Variants in SEMA5A observed in about 807,000 individuals in gnomAD.
The protein encoded by SEMA5A is semaphorin-5A.
A neutral mutation model predicts 135.5 loss-of-function variants in SEMA5A; 55 were observed. The ratio of observed to expected loss-of-function variants is 0.41; its 90% CI spans 0.33 to 0.51. The LOEUF (loss-of-function observed/expected upper bound fraction) is 0.51. SEMA5A is among the 20% of genes least tolerant of loss of function. The pLI is 0.37. For missense variants in SEMA5A, 1,290 were observed against 1,419.9 expected, an observed-to-expected ratio of 0.91 and a Z score of 1.47; for synonymous variants, 580 against 546.5, an observed-to-expected ratio of 1.06 and a Z score of -0.85.
chr5:9,507,927 C>G lies in SEMA5A; in HGVS notation c.-175+37657G>C, dbSNP rs1452338478. ...GCTGAGGCAGGAGAATGACATGAAC[C>G]CAGGAGGCATAGCTTGCAGTAAGCC... is the stretch of plus-strand genomic sequence containing the variant. On this transcript the variant is annotated intron_variant, in intron 1 of 22. Transcript: ENST00000382496. 9.2e-5 allele frequency among the ~76,000 whole-genome samples: 14 copies of G among 151,462 alleles called. 1 individual carries two copies. Among genetic ancestry groups the G allele is most frequent in the Non-Finnish European group, 1.8e-4 (12 of 67,930 alleles).
chr5:9,197,440 G>T, intron 9 of SEMA5A, 137 bp from the exon 10 acceptor site: 1 of 1,050,500 alleles, frequency 9.5e-7, no homozygotes, highest in Non-Finnish European at 1.4e-6. Context: ...GATCCCAAAA[G>T]GATGAAGTCA....
intron 13 of SEMA5A, among the ~76,000 whole-genome samples, chr5:9,131,033 C>A (rs1741381777): frequency 6.6e-6 from 1 of 152,104 alleles, no homozygotes; most frequent in South Asian, 2.1e-4. Context: ...GAGGAGAATC[C>A]TGTTATTAGG....
chr5:9,233,231 A>C (rs1747727723), intron 6 of SEMA5A, among the ~76,000 whole-genome samples: 1 of 152,236 alleles, frequency 6.6e-6, no homozygotes, highest in Non-Finnish European at 1.5e-5. Flanking sequence ...TCCTTTGTAA[A>C]GTTCCTAAAT....
intron 1 of SEMA5A, among the ~76,000 whole-genome samples, chr5:9,518,828 T>A (rs985264121): frequency 6.6e-6 from 1 of 152,044 alleles, no homozygotes; most frequent in African/African-American, 2.4e-5. Flanking sequence ...GTAAAGAACT[T>A]CCTTAAAAAT....
chr5:9,274,369 A>G (rs1378242565), intron 5 of SEMA5A, among the ~76,000 whole-genome samples: 1 of 152,064 alleles, frequency 6.6e-6, no homozygotes, highest in Non-Finnish European at 1.5e-5. Flanking sequence ...AGAGACTTAG[A>G]CTCCTACACG....
intron 2 of SEMA5A, among the ~76,000 whole-genome samples, chr5:9,387,588 G>A (rs1755953010): frequency 1.3e-5 from 2 of 152,156 alleles, no homozygotes; most frequent in South Asian, 4.1e-4. Context: ...AACAATCCAG[G>A]AGAATCAAAG....
intron 21 of SEMA5A, among the ~76,000 whole-genome samples, chr5:9,047,608 G>T (rs570916063): frequency 2.6e-5 from 4 of 152,194 alleles, no homozygotes; most frequent in East Asian, 3.9e-4. Flanking sequence ...GGTTCAATTG[G>T]CTAATAATTT....
chr5:9,377,504 C>T (rs2126467829), intron 3 of SEMA5A, among the ~76,000 whole-genome samples: 1 of 151,156 alleles, frequency 6.6e-6, no homozygotes, highest in African/African-American at 2.4e-5. Context: ...TTGCTAATTT[C>T]ACTAAAATTT....
At chr5:9,119,846 T>C (rs1296128550) in intron 14 of SEMA5A, among the ~76,000 whole-genome samples, 1 of 152,108 alleles carries the variant, frequency 6.6e-6, no homozygotes, top group Non-Finnish European at 1.5e-5. Flanking sequence ...GAAGTGCAAA[T>C]TGCATATAAC....
At chr5:9,432,243 A>T (rs894796136) in intron 2 of SEMA5A, among the ~76,000 whole-genome samples, 4 of 152,198 alleles carry the variant, frequency 2.6e-5, no homozygotes, top group African/African-American at 7.2e-5. Context: ...GATGGGACTC[A>T]GGAGTGGTGT....
chr5:9,035,059 A>G lies in SEMA5A; in HGVS notation c.*7838T>C, dbSNP rs1367298713. 6.6e-6 allele frequency: 1 copy of G among 152,664 alleles called. No individual in the cohort carries two copies. The highest frequency in any genetic ancestry group is 6.5e-5 in the Admixed American group (1 of 15,268). The allele number at this position is 152,664 out of a possible 1,614,324, so 9.5% of individuals were successfully genotyped here. A position where few individuals can be genotyped will look rare whatever the true frequency, so the allele number is the denominator to read the frequency against. On this transcript the variant is annotated 3_prime_UTR_variant, in exon 23 of 23. Transcript: ENST00000382496. The stretch of plus-strand genomic sequence containing the variant: ...CCCCTAAATGGTAGGATTTATTTCA[A>G]TGCTCACATACAATTGAATGAGACA...
chr5:9,416,264 G>T (rs1446014302), intron 2 of SEMA5A, among the ~76,000 whole-genome samples: 3 of 152,158 alleles, frequency 2.0e-5, no homozygotes, highest in East Asian at 1.9e-4. Context: ...TAAATGAGGA[G>T]AAAAAGTTGA....
intron 11 of SEMA5A, among the ~76,000 whole-genome samples, chr5:9,160,052 G>C (rs1171033361): frequency 6.6e-6 from 1 of 152,062 alleles, no homozygotes; most frequent in Non-Finnish European, 1.5e-5. Flanking sequence ...GGGCCTGTTG[G>C]GGGAAGGGGA....
At chr5:9,292,422 C>T (rs2150587558) in intron 5 of SEMA5A, among the ~76,000 whole-genome samples, 1 of 152,168 alleles carries the variant, frequency 6.6e-6, no homozygotes, top group Non-Finnish European at 1.5e-5. Flanking sequence ...GTAACTTGCC[C>T]GAGGACACAC....
intron 2 of SEMA5A, among the ~76,000 whole-genome samples, chr5:9,404,819 C>T (rs909644296): frequency 1.3e-5 from 2 of 152,188 alleles, no homozygotes; most frequent in Non-Finnish European, 1.5e-5. Flanking sequence ...GGTGGACTGT[C>T]TCAGGTGACC....
intron 12 of SEMA5A, among the ~76,000 whole-genome samples, chr5:9,143,011 G>T (rs1167841810): frequency 1.3e-5 from 2 of 152,098 alleles, no homozygotes; most frequent in East Asian, 3.9e-4. Context: ...AAAATTCCAA[G>T]TAGACAATAG....
intron 2 of SEMA5A, among the ~76,000 whole-genome samples, chr5:9,384,667 TAG>T: frequency 8.8e-6 from 1 of 113,390 alleles, no homozygotes; most frequent in Non-Finnish European, 1.8e-5. Flanking sequence ...TAGATATAGA[TAG>T]ATAGATATAG....
At chr5:9,457,818 G>C (rs1758897535) in intron 1 of SEMA5A, among the ~76,000 whole-genome samples, 1 of 148,318 alleles carries the variant, frequency 6.7e-6, no homozygotes, top group Non-Finnish European at 1.5e-5. Context: ...GGGGCTACAT[G>C]TTTTGAAAGG....
chr5:9,365,807 C>A (rs71597581), intron 3 of SEMA5A, among the ~76,000 whole-genome samples: 8,982 of 152,220 alleles, frequency 0.059, 357 homozygotes, highest in Middle Eastern at 0.11. Flanking sequence ...AAGCTGGTTG[C>A]CCCCACCCTC....
Sources: allele counts gnomAD v4.1 joint callset (sites outside exome capture counted in the v4.1 genomes callset), GRCh38; gene constraint gnomAD v4.1.1; transcripts MANE v1.5; gene names NCBI Gene and HGNC (gene_info 2026-07-23, HGNC 2026-07-21).